HUWE1: variants seen among roughly 807,000 people sequenced by gnomAD.
The protein encoded by HUWE1 is HECT, UBA and WWE domain containing E3 ubiquitin protein ligase 1, also known as E3 ubiquitin-protein ligase HUWE1.
Under a neutral mutation model 299.4 loss-of-function variants are expected in HUWE1, and 18 were observed. That is an observed-to-expected ratio of 0.06 (90% CI 0.04 to 0.09). HUWE1 has a LOEUF of 0.09. Ranked by LOEUF, HUWE1 falls within the 10% of genes least tolerant of loss-of-function variation. HUWE1 has a pLI of 1.00. For missense variants in HUWE1, 1,832 were observed against 3,462.3 expected (o/e 0.53, Z 11.82); for synonymous variants, 1,317 against 1,286.1 (o/e 1.02, Z -0.51).
chrX:53,555,884 C>T (rs781950147), intron 60 of HUWE1, among the ~76,000 whole-genome samples: 1 of 110,568 alleles, frequency 9.0e-6, no homozygotes, highest in Non-Finnish European at 1.9e-5. Flanking sequence ...TCAGGTGATC[C>T]ACCCGCCTCG....
chrX:53,643,395 C>G (rs1041488590), intron 7 of HUWE1, among the ~76,000 whole-genome samples: 1 of 110,188 alleles, frequency 9.1e-6, no homozygotes, highest in Non-Finnish European at 1.9e-5. Flanking sequence ...TGTCACACAG[C>G]CTGGAATGCA....
At chrX:53,685,676 G>A (rs1557055391) in intron 2 of HUWE1, among the ~76,000 whole-genome samples, 1 of 111,725 alleles carries the variant, frequency 9.0e-6, no homozygotes. Flanking sequence ...ATACGTGTTG[G>A]CATAACTGTG....
intron 47 of HUWE1, among the ~76,000 whole-genome samples, chrX:53,571,081 G>A (rs1043555375): frequency 8.9e-6 from 1 of 112,061 alleles, no homozygotes; most frequent in African/African-American, 3.2e-5. Flanking sequence ...TCCCAGGCAA[G>A]TTACTTACCT....
intron 34 of HUWE1, 63 bp downstream of exon 34, chrX:53,590,937 G>T: frequency 8.4e-7 from 1 of 1,183,898 alleles, no homozygotes; most frequent in Non-Finnish European, 1.1e-6. Flanking sequence ...AATAATAAGG[G>T]GAAAAAGGAC....
intron 17 of HUWE1, chrX:53,625,558 C>A: frequency 4.2e-6 from 1 of 235,383 alleles, no homozygotes; most frequent in Non-Finnish European, 7.6e-6. Context: ...TATCTGCCCT[C>A]CAACATGGCT....
chrX:53,583,311 AAAAAAAAG>A (rs1224618500), intron 42 of HUWE1, among the ~76,000 whole-genome samples: 2 of 109,921 alleles, frequency 1.8e-5, no homozygotes, highest in Non-Finnish European at 3.8e-5. Context: ...AGATTAAAAA[AAAAAAAAG>A]AAAAAAAGAA....
At chrX:53,661,397 G>A (rs997897476) in intron 3 of HUWE1, among the ~76,000 whole-genome samples, 18 of 111,315 alleles carry the variant, frequency 1.6e-4, no homozygotes, top group African/African-American at 5.6e-4. Context: ...AAAAATTTGT[G>A]ACAGATTCTT....
intron 19 of HUWE1, among the ~76,000 whole-genome samples, chrX:53,622,654 T>C (rs1480410283): frequency 2.7e-5 from 3 of 111,793 alleles, no homozygotes; most frequent in Non-Finnish European, 5.6e-5. Context: ...GTTACTATGA[T>C]AGTTGATAAC....
intron 80 of HUWE1, 41 bp downstream of exon 80, chrX:53,536,106 G>A: frequency 1.1e-6 from 1 of 874,881 alleles, no homozygotes; most frequent in Non-Finnish European, 1.7e-6. Context: ...GGATCTTCCA[G>A]ATTGGCTGGG....
intron 29 of HUWE1, among the ~76,000 whole-genome samples, chrX:53,599,159 C>G (rs1396246503): frequency 8.9e-6 from 1 of 112,330 alleles, no homozygotes; most frequent in Non-Finnish European, 1.9e-5. Context: ...TGGGTTCACA[C>G]AGAAACCTCT....
chrX:53,662,192 T>C (rs928330586), intron 3 of HUWE1, among the ~76,000 whole-genome samples: 1 of 110,326 alleles, frequency 9.1e-6, no homozygotes, highest in Admixed American at 9.7e-5. Flanking sequence ...TTTAACAAGA[T>C]CCTTAGGTGA....
At position 53,627,524 on chromosome X, in the gene HUWE1, A is replaced by G. The variant is rs782377130; in HGVS notation, c.1384-9T>C. 8 of 1,111,359 alleles carry G rather than the reference A, an allele frequency of 7.2e-6. No individual in the cohort carries two copies. The highest frequency in any genetic ancestry group is 9.9e-6 in the Non-Finnish European group (8 of 807,476). 91.6% of individuals were successfully genotyped at this position (1,111,359 alleles called of 1,213,427 possible). A position where few individuals can be genotyped will look rare whatever the true frequency, so the allele number is the denominator to read the frequency against. ...CACAAATCTACTTCATGCTACAATC[A>G]AGAGAAAGGTTATAAGAAAATCAAG... On this transcript the variant is annotated splice_polypyrimidine_tract_variant and intron_variant, in intron 16 of 83. Coordinates refer to ENST00000262854, the MANE Select transcript of HUWE1 (RefSeq NM_031407.7).
chrX:53,617,170 T>C (rs1289309568), intron 20 of HUWE1, 23 bp from the exon 21 acceptor site: 5 of 1,188,987 alleles, frequency 4.2e-6, no homozygotes, highest in South Asian at 1.8e-5. Flanking sequence ...CAAAGTGAGC[T>C]TGAATGCATC....
chrX:53,612,146 T>C (rs782680339), intron 23 of HUWE1, among the ~76,000 whole-genome samples: 1 of 112,070 alleles, frequency 8.9e-6, no homozygotes, highest in Non-Finnish European at 1.9e-5. Flanking sequence ...GTTTTCAAAA[T>C]GAAGCTAAGT....
At chrX:53,534,249 A>G (rs1400182219) in intron 82 of HUWE1, 52 bp from the exon 83 acceptor site, 1 of 1,033,053 alleles carries the variant, frequency 9.7e-7, no homozygotes, top group Non-Finnish European at 1.4e-6. Flanking sequence ...TCCTAGAAGC[A>G]GGGTGGGGGG....
Position 53,631,489 on chromosome X carries a change from TA to T in HUWE1, c.694-8del, listed in dbSNP as rs200857205. The T allele has an allele frequency of 2.2e-4, 254 of 1,162,313 alleles. 1 individual carries two copies. In the East Asian group the frequency reaches 2.4e-3, roughly 11 times the overall value. On this transcript the variant is annotated splice_region_variant and splice_polypyrimidine_tract_variant and intron_variant, in intron 10 of 83. Coordinates refer to ENST00000262854, the MANE Select transcript of HUWE1 (RefSeq NM_031407.7). Reference sequence around the variant, plus strand: ...CAGAAGGGCTTTCTGAAATCTACATTAAAAAAAAAGATATAGTTAGGAACAA... The same window carrying T: ...CAGAAGGGCTTTCTGAAATCTACATTAAAAAAAAGATATAGTTAGGAACAA...
intron 7 of HUWE1, among the ~76,000 whole-genome samples, chrX:53,641,518 T>C (rs967218252): frequency 2.7e-5 from 3 of 111,793 alleles, no homozygotes; most frequent in Non-Finnish European, 5.7e-5. Context: ...TGTCAAATTA[T>C]GAAGAGATTC....
At chrX:53,578,170 C>T (rs1556961343) in intron 43 of HUWE1, among the ~76,000 whole-genome samples, 1 of 98,556 alleles carries the variant, frequency 1.0e-5, no homozygotes, top group African/African-American at 3.8e-5. Context: ...ACCTCTGCCC[C>T]GCCGCCCTGT....
At chrX:53,646,022 T>C (rs2068012349) in intron 6 of HUWE1, among the ~76,000 whole-genome samples, 1 of 109,981 alleles carries the variant, frequency 9.1e-6, no homozygotes, top group Non-Finnish European at 1.9e-5. Flanking sequence ...ATGACAAACA[T>C]AAAATTGAAA....
Sources: gnomAD v4.1 joint callset for allele counts (sites outside exome capture counted in the v4.1 genomes callset) on GRCh38, gnomAD v4.1.1 for gene constraint, MANE v1.5 for transcripts, NCBI Gene and HGNC (gene_info 2026-07-23, HGNC 2026-07-21) for gene names.